Variants in CHRDL2 observed in about 807,000 individuals in gnomAD.
CHRDL2 encodes chordin-like protein 2.
A neutral mutation model predicts 54.3 loss-of-function variants in CHRDL2; 41 were observed. The ratio of observed to expected loss-of-function variants is 0.76; its 90% confidence interval spans 0.59 to 0.98. The LOEUF (loss-of-function observed/expected upper bound fraction) is 0.98, where lower values mean the gene tolerates loss of function less well. CHRDL2 is among the 50% of genes least tolerant of loss of function. CHRDL2 has a pLI of 0.00. For synonymous variants in CHRDL2, 220 were observed against 224.3 expected, an observed-to-expected ratio of 0.98 and a Z score of 0.17; for missense variants, 518 against 562.4, an observed-to-expected ratio of 0.92 and a Z score of 0.80.
At chr11:74,705,618 G>A (rs1322997641) in intron 6 of CHRDL2, among the ~76,000 whole-genome samples, 5 of 152,236 alleles carry the variant, frequency 3.3e-5, no homozygotes, top group Non-Finnish European at 4.4e-5. Flanking sequence ...CACCCAGCCC[G>A]TCAGTAAGTA....
In CHRDL2 at chr11:74,702,796, T is replaced by G; in HGVS notation, c.1118A>C (p.Lys373Thr). Residue 373 changes from lysine to threonine, a missense_variant and splice_region_variant, in exon 9 of 11, where the codon AAA becomes ACA. Lys to Thr is a moderately conservative substitution (Grantham distance 78). Coordinates refer to ENST00000376332, the MANE Select transcript of CHRDL2 (RefSeq NM_001278473.3). ...ACTGGGAGTGGGCCAGCACTCACCT[T>G]TTACCAGCTTCCAGAGGTAGATCTC... ...LVEIYLWKLV[K>T]GIFHLTQIKK... is the part of the protein sequence containing the mutation. 1.2e-6 allele frequency: 2 copies of G among 1,613,990 alleles called. No homozygotes were observed. Among genetic ancestry groups the G allele is most frequent in the Non-Finnish European group, 1.7e-6 (2 of 1,179,964 alleles).
At chr11:74,697,469 C>T in intron 9 of CHRDL2, 172 bp from the exon 10 acceptor site, 1 of 618,600 alleles carries the variant, frequency 1.6e-6, no homozygotes, top group Admixed American at 2.4e-5. Flanking sequence ...ATCCATTCTC[C>T]TATCTCTCTG....
At chr11:74,711,699 G>A (rs1254122021) in intron 3 of CHRDL2, among the ~76,000 whole-genome samples, 2 of 152,156 alleles carry the variant, frequency 1.3e-5, no homozygotes, top group Non-Finnish European at 2.9e-5. Context: ...AAAATTACGG[G>A]TGAGGTGGCT....
At chr11:74,723,993 A>G (rs993867281) in intron 1 of CHRDL2, among the ~76,000 whole-genome samples, 2 of 152,182 alleles carry the variant, frequency 1.3e-5, no homozygotes, top group Non-Finnish European at 2.9e-5. Flanking sequence ...GTCAAATATT[A>G]TACACATTCA....
intron 8 of CHRDL2, 107 bp from the exon 9 acceptor site, chr11:74,703,074 G>A: frequency 8.4e-7 from 1 of 1,195,434 alleles, no homozygotes; most frequent in Non-Finnish European, 1.2e-6. Context: ...GAACATTACT[G>A]ATTCTATGTT....
At chr11:74,713,018 C>T (rs977456316) in intron 3 of CHRDL2, among the ~76,000 whole-genome samples, 8 of 152,140 alleles carry the variant, frequency 5.3e-5, no homozygotes, top group Admixed American at 5.2e-4. Flanking sequence ...CCCCTTAGGA[C>T]CTTCAAGCCC....
At position 74,702,971 on chromosome 11, in the gene CHRDL2, G is replaced by T; in HGVS notation, c.947-4C>A. On this transcript the variant is annotated splice_region_variant and splice_polypyrimidine_tract_variant and intron_variant, in intron 8 of 10. Coordinates refer to ENST00000376332, the MANE Select transcript of CHRDL2 (RefSeq NM_001278473.3). The stretch of plus-strand genomic sequence containing the variant: ...TGGCCAGGGTCTGCTTTGTCCTCTG[G>T]AGAGACAAGAAGCTCATGAAGTGTT... 6.2e-7 allele frequency: 1 copy of T among 1,606,642 alleles called. No homozygotes were observed. The highest frequency in any genetic ancestry group is 8.5e-7 in the Non-Finnish European group (1 of 1,175,964).
At chr11:74,706,124 G>T (rs75041244) in intron 6 of CHRDL2, among the ~76,000 whole-genome samples, 1 of 152,130 alleles carries the variant, frequency 6.6e-6, no homozygotes, top group African/African-American at 2.4e-5. Flanking sequence ...GGTGGGGAAG[G>T]CTGGCCCAAG....
At chr11:74,722,101 A>T (rs1326370539) in intron 1 of CHRDL2, among the ~76,000 whole-genome samples, 1 of 152,146 alleles carries the variant, frequency 6.6e-6, no homozygotes, top group Non-Finnish European at 1.5e-5. Flanking sequence ...AGCCAGTAGG[A>T]CCAGTCCTGA....
intron 1 of CHRDL2, among the ~76,000 whole-genome samples, chr11:74,725,804 G>A (rs1232684684): frequency 6.6e-6 from 1 of 152,166 alleles, no homozygotes; most frequent in Admixed American, 6.5e-5. Context: ...CAGGCTGCAA[G>A]AACTCAGGAA....
intron 4 of CHRDL2, among the ~76,000 whole-genome samples, chr11:74,710,366 C>T (rs1357523563): frequency 6.6e-6 from 1 of 152,178 alleles, no homozygotes; most frequent in African/African-American, 2.4e-5. Flanking sequence ...GATAACACTG[C>T]CGAGTCAGCC....
chr11:74,703,465 C>T lies in CHRDL2; in HGVS notation c.786G>A (p.Gly262=), dbSNP rs1373254628. 6.2e-7 allele frequency: 1 copy of T among 1,609,738 alleles called. No homozygotes were observed. Among genetic ancestry groups the T allele is most frequent in the Non-Finnish European group, 8.5e-7 (1 of 1,177,760 alleles). Residue 262 remains glycine, a synonymous_variant, in exon 8 of 11, where the codon GGG becomes GGA. Transcript: ENST00000376332. ...CACGGAAGGCCGGGTGCCACACCTC[C>T]CCGTGGGAGTACGTCTTCCCGCCAT... ...CVHGGKTYSH[G]EVWHPAFRAF...
Position 74,704,547 on chromosome 11 carries a change from GA to G in CHRDL2, c.689del (p.Phe230SerfsTer15). On this transcript the variant is annotated frameshift_variant, in exon 7 of 11. Coordinates refer to ENST00000376332, the MANE Select transcript of CHRDL2 (RefSeq NM_001278473.3). LOFTEE classifies it high-confidence loss of function. ...TTGTGCTGCCTGCTCCCTTGGGTCT[GA>G]AGTGGCGAGGGATGAAGCTCAGAGG... ...SAPLSFIPRH[F>X]RPKGAGSTTV... 6.3e-7 allele frequency: 1 copy of G among 1,582,548 alleles called. No homozygotes were observed. Among genetic ancestry groups the G allele is most frequent in the Non-Finnish European group, 8.6e-7 (1 of 1,168,040 alleles).
intron 9 of CHRDL2, chr11:74,701,451 C>G: frequency 3.5e-6 from 2 of 575,676 alleles, no homozygotes; most frequent in South Asian, 2.3e-5. Flanking sequence ...GCAGTCCTGT[C>G]CCCCTGAGTC....
chr11:74,719,037 G>A lies in CHRDL2; in HGVS notation c.83-205C>T. 3 of 560,982 alleles carry A rather than the reference G, an allele frequency of 5.3e-6. No homozygotes were observed. The South Asian group carries it at 6.9e-5, about 13-fold the overall frequency. 34.8% of individuals were successfully genotyped at this position (560,982 alleles called of 1,614,324 possible). A position where few individuals can be genotyped will look rare whatever the true frequency, so the allele number is the denominator to read the frequency against. The stretch of plus-strand genomic sequence containing the variant: ...CTCGGCTTTACCACACACTTACTGT[G>A]CAACACTGGGCATGCCACTGTCTCT... On this transcript the variant is annotated intron_variant, in intron 1 of 10. Transcript: ENST00000376332.
intron 4 of CHRDL2, among the ~76,000 whole-genome samples, chr11:74,708,903 CA>C (rs2034099763): frequency 6.6e-6 from 1 of 152,150 alleles, no homozygotes; most frequent in African/African-American, 2.4e-5. Flanking sequence ...TTCTGGGGGT[CA>C]GGGGCCAGGT....
At chr11:74,709,666 C>T (rs1323896432) in intron 4 of CHRDL2, among the ~76,000 whole-genome samples, 1 of 152,186 alleles carries the variant, frequency 6.6e-6, no homozygotes, top group Admixed American at 6.5e-5. Flanking sequence ...TGATGGGACC[C>T]TGTCACTGAA....
chr11:74,708,705 C>A (rs1350061834), intron 4 of CHRDL2, among the ~76,000 whole-genome samples: 2 of 152,204 alleles, frequency 1.3e-5, no homozygotes, highest in Non-Finnish European at 2.9e-5. Flanking sequence ...GGAGCCGGAG[C>A]GGGGCCTGAG....
In CHRDL2 at chr11:74,731,214, A is replaced by C. The variant is rs1591374519; in HGVS notation, c.-326T>G. 2 of 215,330 alleles carry C rather than the reference A, an allele frequency of 9.3e-6. No individual in the cohort carries two copies. The highest frequency in any genetic ancestry group is 2.3e-5 in the African/African-American group (1 of 43,040). 13.3% of individuals were successfully genotyped at this position (215,330 alleles called of 1,614,324 possible). On this transcript the variant is annotated 5_prime_UTR_variant, in exon 1 of 11. Coordinates refer to ENST00000376332, the MANE Select transcript of CHRDL2 (RefSeq NM_001278473.3). This position sits in a 1 kb window ranked among gnomAD's most constrained non-coding sequence, Gnocchi z 4.4. ...GAGAGGAGGAGAAAGCAGGGAGAGG[A>C]CCGGCGTCTGCCGAGCGCGCAGCGC...
Sources: gnomAD v4.1 joint callset for allele counts (sites outside exome capture counted in the v4.1 genomes callset) on GRCh38, gnomAD v4.1.1 for gene constraint, Gnocchi (gnomAD v3.1) non-coding constraint, MANE v1.5 for transcripts, NCBI Gene and HGNC (gene_info 2026-07-23, HGNC 2026-07-21) for gene names.